The following FRYL variants were observed in gnomAD, a reference collection of about 807,000 sequenced individuals.
FRYL encodes the protein FRY like transcription coactivator.
In FRYL, 150 loss-of-function variants were observed where a neutral mutation model predicts 351.2. The observed-to-expected ratio is 0.43, with a 90% CI of 0.37 to 0.49. The LOEUF is 0.49. FRYL is among the 20% of genes least tolerant of loss of function. The pLI, the probability that FRYL is intolerant of heterozygous loss-of-function variation, is 0.00. For missense variants in FRYL, 3,036 were observed against 3,619.3 expected, an observed-to-expected ratio of 0.84 and a Z score of 4.13; for synonymous variants, 1,153 against 1,257.1, an observed-to-expected ratio of 0.92 and a Z score of 1.75.
In FRYL at chr4:48,725,654, C is replaced by G. The variant is rs537777411; in HGVS notation, c.-383-14956G>C. On this transcript the variant is annotated intron_variant, in intron 1 of 63. Transcript: ENST00000358350. ...CCACATCCACACTGTCTATGCTACCCACCCGCTAGTCACTTAGGAGCAGTC... is the reference window on the plus strand; with the variant it reads ...CCACATCCACACTGTCTATGCTACCGACCCGCTAGTCACTTAGGAGCAGTC... Among the ~76,000 whole-genome samples, 4 of 152,272 alleles carry G rather than the reference C, an allele frequency of 2.6e-5. No individual in the cohort carries two copies. The South Asian group carries it at 8.3e-4, about 32-fold the overall frequency.
At chr4:48,565,110 G>T in intron 29 of FRYL, 67 bp from the exon 30 acceptor site, 1 of 850,074 alleles carries the variant, frequency 1.2e-6, no homozygotes, top group Non-Finnish European at 1.9e-6. Flanking sequence ...TGCTTAATGA[G>T]AAGAGGCAAA....
At chr4:48,562,040 C>T (rs1215581653) in intron 32 of FRYL, among the ~76,000 whole-genome samples, 1 of 151,920 alleles carries the variant, frequency 6.6e-6, no homozygotes, top group Non-Finnish European at 1.5e-5. Flanking sequence ...ACAAAACAAA[C>T]AAAAACTCTT....
intron 19 of FRYL, among the ~76,000 whole-genome samples, chr4:48,585,384 G>C (rs918514345): frequency 2.0e-5 from 3 of 152,140 alleles, no homozygotes; most frequent in Non-Finnish European, 2.9e-5. Context: ...GTAGTGCCAG[G>C]GTGTGTGAAA....
At chr4:48,541,001 C>T (rs750091898) in intron 45 of FRYL, 41 bp from the exon 46 acceptor site, 1 of 1,442,122 alleles carries the variant, frequency 6.9e-7, no homozygotes, top group Non-Finnish European at 9.1e-7. Context: ...TACCCAGTCA[C>T]TTCTTTTGCT....
At chr4:48,516,989 T>C (rs1398029805) in intron 55 of FRYL, among the ~76,000 whole-genome samples, 3 of 152,122 alleles carry the variant, frequency 2.0e-5, no homozygotes, top group Non-Finnish European at 4.4e-5. Context: ...AATAACGCCA[T>C]GAAAACACAA....
At chr4:48,605,318 G>C (rs1240477899) in intron 11 of FRYL, among the ~76,000 whole-genome samples, 1 of 152,140 alleles carries the variant, frequency 6.6e-6, no homozygotes. Context: ...GGTAGGACCT[G>C]AATACTACAA....
At chr4:48,656,308 T>TACATAATATATACTAA (rs1758966590) in intron 3 of FRYL, among the ~76,000 whole-genome samples, 1 of 7,322 alleles carries the variant, frequency 1.4e-4, no homozygotes, top group Non-Finnish European at 4.7e-4. Context: ...TATATTATAT[T>TACATAATATATACTAA]ATATATTACA....
At chr4:48,765,234 C>T (rs1426871555) in intron 1 of FRYL, among the ~76,000 whole-genome samples, 1 of 152,196 alleles carries the variant, frequency 6.6e-6, no homozygotes, top group African/African-American at 2.4e-5. Flanking sequence ...GAAGGTATCA[C>T]ACTTCCTGAT....
At chr4:48,702,579 T>A (rs1409645130) in intron 2 of FRYL, among the ~76,000 whole-genome samples, 1 of 144,898 alleles carries the variant, frequency 6.9e-6, no homozygotes, top group Non-Finnish European at 1.5e-5. Flanking sequence ...ATCGAGACCA[T>A]GGTGAAACCC....
chr4:48,732,396 T>C (rs1268732015), intron 1 of FRYL, among the ~76,000 whole-genome samples: 1 of 152,042 alleles, frequency 6.6e-6, no homozygotes, highest in Non-Finnish European at 1.5e-5. Flanking sequence ...GTACTAGAAA[T>C]ACCATTTGAC....
chr4:48,719,304 G>A (rs1490174227), intron 1 of FRYL, among the ~76,000 whole-genome samples: 2 of 151,532 alleles, frequency 1.3e-5, no homozygotes, highest in East Asian at 1.9e-4. Flanking sequence ...CAGATCTAAC[G>A]CATGCTTTAT....
In FRYL at chr4:48,534,651, G is replaced by T; in HGVS notation, c.6599C>A (p.Ser2200Ter). 6.3e-7 allele frequency: 1 copy of T among 1,582,524 alleles called. No homozygotes were observed. Among genetic ancestry groups the T allele is most frequent in the Non-Finnish European group, 8.7e-7 (1 of 1,151,884 alleles). Residue 2200 changes from serine (S) to a stop codon, truncating the protein, a stop_gained, in exon 49 of 64, where the codon TCA becomes TAA. Transcript: ENST00000358350. LOFTEE classifies it high-confidence loss of function. ...LEKGLSSMQQ[S>*]LLQIIYSLLS... ...TAGACTATAAATAATCTGTAGTAATGATTGCTGCATACTGGACAATCCTTT... is the reference window on the plus strand; with the variant it reads ...TAGACTATAAATAATCTGTAGTAATTATTGCTGCATACTGGACAATCCTTT...
chr4:48,682,702 T>G (rs1246294286), intron 3 of FRYL, among the ~76,000 whole-genome samples: 1 of 152,096 alleles, frequency 6.6e-6, no homozygotes, highest in Non-Finnish European at 1.5e-5. Flanking sequence ...ATAATGCAAA[T>G]CAAAACCACA....
rs529920961 is a variant in FRYL at position 48,589,649 on chromosome 4, C to T, written c.1640+96G>A. 26 of 1,165,826 alleles carry T rather than the reference C, an allele frequency of 2.2e-5. No individual in the cohort carries two copies. The African/African-American group carries it at 3.5e-4, about 16-fold the overall frequency. 72.2% of individuals were successfully genotyped at this position (1,165,826 alleles called of 1,614,324 possible). On this transcript the variant is annotated intron_variant, in intron 18 of 63. Transcript: ENST00000358350. ...TGCAGCAGATAGAAACATGGAAGAA[C>T]TCCAAAGACCAAGTAAGGAGACAGG...
At chr4:48,779,517 G>GGGCCCGCCAGCCC (rs1449967472) in intron 1 of FRYL, among the ~76,000 whole-genome samples, 4 of 151,878 alleles carry the variant, frequency 2.6e-5, no homozygotes, top group African/African-American at 4.8e-5. Context: ...CGCTCCGCCG[G>GGGCCCGCCAGCCC]TCCCCGCCAG....
At chr4:48,683,385 T>C (rs954060805) in intron 3 of FRYL, among the ~76,000 whole-genome samples, 13 of 151,530 alleles carry the variant, frequency 8.6e-5, no homozygotes, top group African/African-American at 2.7e-4. Flanking sequence ...AACCTGCACA[T>C]TCTGCACATG....
At chr4:48,503,844 A>T (rs557783198) in intron 60 of FRYL, among the ~76,000 whole-genome samples, 1 of 152,320 alleles carries the variant, frequency 6.6e-6, no homozygotes, top group South Asian at 2.1e-4. Context: ...CATATTCCAT[A>T]TCTAAATTTC....
intron 13 of FRYL, among the ~76,000 whole-genome samples, chr4:48,596,435 GA>G (rs1744608199): frequency 6.6e-6 from 1 of 152,008 alleles, no homozygotes; most frequent in Admixed American, 6.6e-5. Context: ...TTGCATTTAC[GA>G]AATAATGCAA....
intron 20 of FRYL, among the ~76,000 whole-genome samples, 168 bp from the exon 21 acceptor site, chr4:48,581,773 T>C (rs574446019): frequency 6.6e-6 from 1 of 152,340 alleles, no homozygotes; most frequent in South Asian, 2.1e-4. Flanking sequence ...GTGTGCACAG[T>C]GAAAACATTT....
Sources: allele counts gnomAD v4.1 joint callset (sites outside exome capture counted in the v4.1 genomes callset), GRCh38; gene constraint gnomAD v4.1.1; transcripts MANE v1.5; gene names NCBI Gene and HGNC (gene_info 2026-07-23, HGNC 2026-07-21).